The following MYOF variants were observed in gnomAD, a reference collection of about 807,000 sequenced individuals.
MYOF encodes the protein myoferlin.
In MYOF, 244 loss-of-function variants were observed where a neutral mutation model predicts 284.2. The observed-to-expected ratio is 0.86, with a 90% CI of 0.77 to 0.95. The LOEUF is 0.95. MYOF is among the 40% of genes least tolerant of loss of function. MYOF has a pLI of 0.00. For synonymous variants in MYOF, 904 were observed against 919.7 expected, an observed-to-expected ratio of 0.98 and a Z score of 0.31; for missense variants, 2,496 against 2,560.6, an observed-to-expected ratio of 0.97 and a Z score of 0.54.
At chr10:93,459,311 G>C (rs892682234) in intron 1 of MYOF, among the ~76,000 whole-genome samples, 6 of 152,182 alleles carry the variant, frequency 3.9e-5, no homozygotes, top group African/African-American at 1.4e-4. Flanking sequence ...GACATGCAAA[G>C]AATTTTTAAC....
At chr10:93,434,954 C>T (rs7091625) in intron 3 of MYOF, among the ~76,000 whole-genome samples, 21,552 of 152,110 alleles carry the variant, frequency 0.14, 1,635 homozygotes, top group Middle Eastern at 0.2. Context: ...AGCCACACAG[C>T]ACGAGTATTA....
At chr10:93,310,454 C>A in intron 52 of MYOF, 80 bp downstream of exon 52, 2 of 1,400,966 alleles carry the variant, frequency 1.4e-6, no homozygotes, top group Non-Finnish European at 2.0e-6. Flanking sequence ...AAAAGCTAAT[C>A]CATCCCATTA....
In MYOF at chr10:93,369,635, T is replaced by C. The variant is rs374372682; in HGVS notation, c.2589+10A>G. On this transcript the variant is annotated intron_variant, in intron 25 of 53. Coordinates refer to ENST00000359263, the MANE Select transcript of MYOF (RefSeq NM_013451.4). The stretch of plus-strand genomic sequence containing the variant: ...CAAAGAAGAAAAGATAGTGAAATCA[T>C]TAAAGGTACCATTTCAGCAAAGACG... 8 of 1,613,888 alleles carry C rather than the reference T, an allele frequency of 5.0e-6. No individual in the cohort carries two copies. The highest frequency in any genetic ancestry group is 6.8e-6 in the Non-Finnish European group (8 of 1,179,956).
chr10:93,415,059 G>T (rs1462162253), intron 5 of MYOF, among the ~76,000 whole-genome samples: 2 of 152,040 alleles, frequency 1.3e-5, no homozygotes, highest in African/African-American at 2.4e-5. Flanking sequence ...GCCATCTTTT[G>T]TATCTTTCCA....
intron 1 of MYOF, among the ~76,000 whole-genome samples, chr10:93,462,095 C>T (rs1564737740): frequency 6.9e-6 from 1 of 145,332 alleles, no homozygotes; most frequent in Non-Finnish European, 1.5e-5. Context: ...AGCCCCCCAC[C>T]TTTTTTTTTT....
rs147452101 is a variant in MYOF at position 93,334,460 on chromosome 10, T to C, written c.4564-547A>G. Among the ~76,000 whole-genome samples, 336 of 152,252 alleles carry C rather than the reference T, an allele frequency of 2.2e-3. 2 individuals are homozygous for C. The highest frequency in any genetic ancestry group is 7.5e-3 in the African/African-American group (311 of 41,524). On this transcript the variant is annotated intron_variant, in intron 41 of 53. Transcript: ENST00000359263. Reference sequence around the variant, plus strand: ...TCACCCCTGGCACAGCACTGGCCTCTGCATTGAGATAATCTATTTATTCTC... The same window carrying C: ...TCACCCCTGGCACAGCACTGGCCTCCGCATTGAGATAATCTATTTATTCTC...
rs757862761 is a variant in MYOF at position 93,349,848 on chromosome 10, T to G, written c.4043A>C (p.Lys1348Thr). Residue 1348 changes from lysine (K) to threonine (T), a missense_variant, in exon 36 of 54, where the codon AAG becomes ACG. Lys to Thr is a moderately conservative substitution (Grantham distance 78). Transcript: ENST00000359263. ...VESVVIKNLK[K>T]TPNFPSSVLF... ...AACAGAACTTGGAAAGTTGGGTGTCTTCTTAAGGTTTTTGATCACCACCGA... is the reference window on the plus strand; with the variant it reads ...AACAGAACTTGGAAAGTTGGGTGTCGTCTTAAGGTTTTTGATCACCACCGA... The G allele has an allele frequency of 1.5e-5, 24 of 1,613,954 alleles. No homozygotes were observed. Among genetic ancestry groups the G allele is most frequent in the Non-Finnish European group, 1.9e-5 (23 of 1,180,016 alleles).
chr10:93,307,475 T>C (rs1051761578), intron 53 of MYOF, among the ~76,000 whole-genome samples: 1 of 151,802 alleles, frequency 6.6e-6, no homozygotes, highest in Non-Finnish European at 1.5e-5. Context: ...TAATTTTTTA[T>C]ATTCTTAGTA....
rs576987381 is a variant in MYOF at position 93,482,269 on chromosome 10, C to T, written c.-75G>A. On this transcript the variant is annotated 5_prime_UTR_variant, in exon 1 of 54. Coordinates refer to ENST00000359263, the MANE Select transcript of MYOF (RefSeq NM_013451.4). The stretch of plus-strand genomic sequence containing the variant: ...GGCGCTGGAGCTCCGGGTCGCACCG[C>T]CCTGGGAGAGAAGTTCTCTCCCAGT... The T allele has an allele frequency of 4.5e-5, 57 of 1,268,888 alleles. No individual in the cohort carries two copies. The highest frequency in any genetic ancestry group is 5.8e-5 in the Non-Finnish European group (51 of 885,082). 78.6% of individuals were successfully genotyped at this position (1,268,888 alleles called of 1,614,324 possible).
intron 5 of MYOF, among the ~76,000 whole-genome samples, chr10:93,411,710 G>A (rs1449745471): frequency 6.6e-6 from 1 of 152,132 alleles, no homozygotes; most frequent in Non-Finnish European, 1.5e-5. Flanking sequence ...TTTAGCCCAG[G>A]GTGGGCCCTG....
chr10:93,447,005 C>T (rs1311360711), intron 3 of MYOF, among the ~76,000 whole-genome samples: 1 of 152,170 alleles, frequency 6.6e-6, no homozygotes, highest in East Asian at 1.9e-4. Context: ...GCATGAGCCA[C>T]CACACCCAGC....
intron 19 of MYOF, among the ~76,000 whole-genome samples, chr10:93,385,110 G>A (rs1846303096): frequency 6.6e-6 from 1 of 152,144 alleles, no homozygotes; most frequent in South Asian, 2.1e-4. Flanking sequence ...AAATACATTC[G>A]GTCACATCCA....
intron 37 of MYOF, among the ~76,000 whole-genome samples, chr10:93,346,488 G>A (rs1188546175): frequency 6.6e-6 from 1 of 152,222 alleles, no homozygotes; most frequent in Non-Finnish European, 1.5e-5. Flanking sequence ...GTAGCCCCCA[G>A]CCCCTAACAC....
rs922947846 is a variant in MYOF, at chr10:93,408,979, A to G, written c.601-64T>C. 5.6e-6 allele frequency: 9 copies of G among 1,599,698 alleles called. No individual in the cohort carries two copies. In the East Asian group the frequency reaches 2.0e-4, roughly 36 times the overall value. On this transcript the variant is annotated intron_variant, in intron 6 of 53. Coordinates refer to ENST00000359263, the MANE Select transcript of MYOF (RefSeq NM_013451.4). ...AGCACGTGGGATCCTTAGGATCCTC[A>G]GGTGTTGCTTCATTTCCTTCACCTA... is the stretch of plus-strand genomic sequence containing the variant.
chr10:93,478,833 AAAAAAAAAAAG>A (rs1388034269), intron 1 of MYOF, among the ~76,000 whole-genome samples: 1 of 99,266 alleles, frequency 1.0e-5, no homozygotes, highest in Non-Finnish European at 2.1e-5. Context: ...CTCAAAAAAA[AAAAAAAAAAAG>A]AAAGAAAGAA....
intron 5 of MYOF, among the ~76,000 whole-genome samples, chr10:93,416,918 G>T (rs55825291): frequency 0.061 from 9,230 of 152,198 alleles, 888 homozygotes; most frequent in African/African-American, 0.21. Flanking sequence ...CATTTTAATA[G>T]AATCATAGAA....
intron 1 of MYOF, among the ~76,000 whole-genome samples, chr10:93,458,628 G>C (rs1159494898): frequency 6.6e-6 from 1 of 152,144 alleles, no homozygotes; most frequent in African/African-American, 2.4e-5. Flanking sequence ...TACTCGGGAG[G>C]CTGAGGCAGG....
chr10:93,478,191 G>C, intron 1 of MYOF: 1 of 339,112 alleles, frequency 2.9e-6, no homozygotes, highest in Non-Finnish European at 6.0e-6. Context: ...TGTTCTGTTT[G>C]GAGGACTGTT....
intron 13 of MYOF, 50 bp from the exon 14 acceptor site, chr10:93,397,506 A>G (rs749665566): frequency 2.1e-6 from 3 of 1,433,408 alleles, no homozygotes; most frequent in Admixed American, 4.0e-5. Flanking sequence ...TCTAATTTCT[A>G]AAAGTTTACA....
Sources: allele counts gnomAD v4.1 joint callset (sites outside exome capture counted in the v4.1 genomes callset), GRCh38; gene constraint gnomAD v4.1.1; transcripts MANE v1.5; gene names NCBI Gene and HGNC (gene_info 2026-07-23, HGNC 2026-07-21).